Variants in KIRREL3 observed in about 807,000 individuals in gnomAD.
KIRREL3 encodes the protein kirre like nephrin family adhesion molecule 3.
KIRREL3 carries 36 observed loss-of-function variants against 89.7 expected under a neutral mutation model. The observed-to-expected ratio is 0.40, with a 90% CI of 0.31 to 0.53. The LOEUF (loss-of-function observed/expected upper bound fraction) is 0.53. KIRREL3 is among the 20% of genes least tolerant of loss of function. The probability of loss-of-function intolerance (pLI) is 0.49; values close to 1 mark genes in which losing one functional copy is unlikely to be tolerated. For synonymous variants in KIRREL3, 445 were observed against 441.4 expected (o/e 1.01, Z -0.10); for missense variants, 864 against 1,056.6 (o/e 0.82, Z 2.53).
rs1225901035 is a variant in KIRREL3 at position 126,608,021 on chromosome 11, G to T, written c.56-45109C>A. On this transcript the variant is annotated intron_variant, in intron 1 of 16. Coordinates refer to ENST00000525144, the MANE Select transcript of KIRREL3 (RefSeq NM_032531.4). This position sits in a 1 kb window ranked among gnomAD's most constrained non-coding sequence, Gnocchi z 4.9. ...CAGGGCCTTTCTCATCATCTCCCGTGCCTGCCGTGCTGTCTCTTACCAACC... is the reference window on the plus strand; with the variant it reads ...CAGGGCCTTTCTCATCATCTCCCGTTCCTGCCGTGCTGTCTCTTACCAACC... 1.3e-5 allele frequency among the ~76,000 whole-genome samples: 2 copies of T among 152,112 alleles called. No individual in the cohort carries two copies. Among genetic ancestry groups the T allele is most frequent in the African/African-American group, 2.4e-5 (1 of 41,372 alleles).
chr11:126,657,605 T>C (rs768003906), intron 1 of KIRREL3, among the ~76,000 whole-genome samples: 2 of 151,872 alleles, frequency 1.3e-5, no homozygotes, highest in Non-Finnish European at 2.9e-5. Flanking sequence ...TGTAGATGGG[T>C]TGGGGGTGAG....
rs1958746585 is a variant in KIRREL3, at chr11:126,526,197, T to C, written c.283+341A>G. 2.0e-5 allele frequency among the ~76,000 whole-genome samples: 3 copies of C among 152,158 alleles called. No homozygotes were observed. Among genetic ancestry groups the C allele is most frequent in the Admixed American group, 2.0e-4 (3 of 15,284 alleles). ...TGTGCCTTAATAAATGGGGGATACA[T>C]CTTGGGCCAAGACACAGGAACACTT... On this transcript the variant is annotated intron_variant, in intron 3 of 16. Coordinates refer to ENST00000525144, the MANE Select transcript of KIRREL3 (RefSeq NM_032531.4). The surrounding 1 kb of genome is among the most constrained non-coding windows in gnomAD (Gnocchi z 5.7).
chr11:126,924,706 C>T lies in KIRREL3; in HGVS notation c.55+75749G>A, dbSNP rs1453422663. 6.6e-6 allele frequency among the ~76,000 whole-genome samples: 1 copy of T among 152,178 alleles called. No homozygotes were observed. Among genetic ancestry groups the T allele is most frequent in the East Asian group, 1.9e-4 (1 of 5,180 alleles). On this transcript the variant is annotated intron_variant, in intron 1 of 16. Transcript: ENST00000525144. This position sits in a 1 kb window ranked among gnomAD's most constrained non-coding sequence, Gnocchi z 4.7. The stretch of plus-strand genomic sequence containing the variant: ...CCCCTGCCTTTCCAAGCAAATATGG[C>T]TGCTCCTGAGCTCACCCTGGCTTCT...
At position 126,568,988 on chromosome 11, in the gene KIRREL3, C is replaced by A. The variant is rs577657462; in HGVS notation, c.56-6076G>T. 2.5e-4 allele frequency among the ~76,000 whole-genome samples: 38 copies of A among 152,082 alleles called. No homozygotes were observed. Among genetic ancestry groups the A allele is most frequent in the African/African-American group, 8.2e-4 (34 of 41,478 alleles). On this transcript the variant is annotated intron_variant, in intron 1 of 16. Coordinates refer to ENST00000525144, the MANE Select transcript of KIRREL3 (RefSeq NM_032531.4). The surrounding 1 kb of genome is among the most constrained non-coding windows in gnomAD (Gnocchi z 4.6). ...ATGTGAGGCCAGTCAGGAAGACCAG[C>A]CAGGTGGCTGTCATGGGAGAGGCCA...
chr11:126,436,519 C>T (rs1346883255), intron 12 of KIRREL3, among the ~76,000 whole-genome samples: 1 of 152,264 alleles, frequency 6.6e-6, no homozygotes, highest in Non-Finnish European at 1.5e-5. Context: ...CTGCCACCAG[C>T]CTGCTCACTG....
At chr11:126,727,968 CG>C (rs1948458399) in intron 1 of KIRREL3, among the ~76,000 whole-genome samples, 1 of 151,922 alleles carries the variant, frequency 6.6e-6, no homozygotes, top group African/African-American at 2.4e-5. Flanking sequence ...AGGGCTGTCT[CG>C]GGGGTGAGCA....
At chr11:126,450,255 G>A (rs1027007868) in intron 7 of KIRREL3, among the ~76,000 whole-genome samples, 1 of 152,028 alleles carries the variant, frequency 6.6e-6, no homozygotes, top group South Asian at 2.1e-4. Context: ...GCATGTGTGA[G>A]TGTGCCTGTG....
intron 4 of KIRREL3, among the ~76,000 whole-genome samples, chr11:126,497,190 G>T (rs1297077225): frequency 1.9e-4 from 12 of 62,756 alleles, no homozygotes; most frequent in African/African-American, 6.1e-4. Context: ...GTGTGAGAGT[G>T]TGAGTGTGTG....
intron 1 of KIRREL3, among the ~76,000 whole-genome samples, chr11:126,638,249 T>C (rs947354329): frequency 2.6e-5 from 4 of 152,214 alleles, no homozygotes; most frequent in Admixed American, 2.6e-4. Context: ...TCCTAAAACA[T>C]GCCAGAGAGA....
In KIRREL3 at chr11:126,676,935, C is replaced by A. The variant is rs1591939495; in HGVS notation, c.56-114023G>T. ...GAGTAGCTGGGACTACAGGCATGCACCACCACACCACGCTAATTTTTAAAA... is the reference window on the plus strand; with the variant it reads ...GAGTAGCTGGGACTACAGGCATGCAACACCACACCACGCTAATTTTTAAAA... On this transcript the variant is annotated intron_variant, in intron 1 of 16. Coordinates refer to ENST00000525144, the MANE Select transcript of KIRREL3 (RefSeq NM_032531.4). This position sits in a 1 kb window ranked among gnomAD's most constrained non-coding sequence, Gnocchi z 4.5. Among the ~76,000 whole-genome samples, 10 of 152,168 alleles carry A rather than the reference C, an allele frequency of 6.6e-5. No homozygotes were observed. The highest frequency in any genetic ancestry group is 2.0e-4 in the Admixed American group (3 of 15,284).
chr11:126,674,327 C>A (rs10893551), intron 1 of KIRREL3, among the ~76,000 whole-genome samples: 46,066 of 152,132 alleles, frequency 0.3, 7,251 homozygotes, highest in East Asian at 0.4. Context: ...ATAGCTTTTG[C>A]AAGCACTTAC....
Position 126,642,988 on chromosome 11 carries a change from A to G in KIRREL3, c.56-80076T>C, listed in dbSNP as rs1422792960. ...ACTTTGGCCTCCCTTCTTCCCTCCC[A>G]TCCATCCATCCATCCATCCATCCAT... On this transcript the variant is annotated intron_variant, in intron 1 of 16. Transcript: ENST00000525144. This position sits in a 1 kb window ranked among gnomAD's most constrained non-coding sequence, Gnocchi z 4.9. Among the ~76,000 whole-genome samples, 1 of 146,230 alleles carries G rather than the reference A, an allele frequency of 6.8e-6. No homozygotes were observed. The highest frequency in any genetic ancestry group is 1.5e-5 in the Non-Finnish European group (1 of 65,158).
chr11:126,619,066 C>T (rs1173566170), intron 1 of KIRREL3, among the ~76,000 whole-genome samples: 1 of 152,188 alleles, frequency 6.6e-6, no homozygotes. Flanking sequence ...GTTTCAGGTG[C>T]TGATAAATGC....
chr11:126,736,206 A>G lies in KIRREL3; in HGVS notation c.56-173294T>C, dbSNP rs887394255. On this transcript the variant is annotated intron_variant, in intron 1 of 16. Coordinates refer to ENST00000525144, the MANE Select transcript of KIRREL3 (RefSeq NM_032531.4). This position sits in a 1 kb window ranked among gnomAD's most constrained non-coding sequence, Gnocchi z 5.0. ...GTCTGGTTTACTTTCAATTGTAGTC[A>G]CAGCAATAATAGCACCATTTATGGG... Among the ~76,000 whole-genome samples the G allele has an allele frequency of 6.6e-6, 1 of 152,246 alleles. No homozygotes were observed. Among genetic ancestry groups the G allele is most frequent in the Non-Finnish European group, 1.5e-5 (1 of 68,050 alleles).
intron 1 of KIRREL3, among the ~76,000 whole-genome samples, chr11:126,833,855 A>G (rs552428779): frequency 6.6e-6 from 1 of 152,322 alleles, no homozygotes; most frequent in African/African-American, 2.4e-5. Flanking sequence ...GGTTCAGCCT[A>G]TATCTGACTC....
intron 2 of KIRREL3, among the ~76,000 whole-genome samples, chr11:126,533,806 A>G (rs998564429): frequency 6.6e-6 from 1 of 152,018 alleles, no homozygotes; most frequent in African/African-American, 2.4e-5. Context: ...CAATAATACC[A>G]CCACCTTGTG....
intron 4 of KIRREL3, among the ~76,000 whole-genome samples, chr11:126,499,029 T>G (rs538247367): frequency 1.3e-5 from 2 of 151,650 alleles, no homozygotes; most frequent in African/African-American, 2.4e-5. Flanking sequence ...GGCACATGCC[T>G]GTAATCCCAG....
intron 1 of KIRREL3, among the ~76,000 whole-genome samples, chr11:126,958,516 C>G (rs77402090): frequency 6.6e-6 from 1 of 152,182 alleles, no homozygotes; most frequent in Admixed American, 6.5e-5. Flanking sequence ...TCAGCCCCAT[C>G]CCTACCTGGG....
At chr11:126,834,461 T>C (rs531866114) in intron 1 of KIRREL3, among the ~76,000 whole-genome samples, 1 of 152,346 alleles carries the variant, frequency 6.6e-6, no homozygotes, top group South Asian at 2.1e-4. Flanking sequence ...CAAGAATCCT[T>C]TCTATCAGAC....
Sources: gnomAD v4.1 joint callset for allele counts (sites outside exome capture counted in the v4.1 genomes callset) on GRCh38, gnomAD v4.1.1 for gene constraint, Gnocchi (gnomAD v3.1) non-coding constraint, MANE v1.5 for transcripts, NCBI Gene and HGNC (gene_info 2026-07-23, HGNC 2026-07-21) for gene names.